Variants in SMKR1 observed in about 807,000 individuals in gnomAD.
SMKR1 encodes the protein small lysine rich protein 1, also known as small lysine-rich protein 1.
A neutral mutation model predicts 4.0 loss-of-function variants in SMKR1; 4 were observed. That is an observed-to-expected ratio of 1.00 (90% CI 0.49 to 2.30). The LOEUF (loss-of-function observed/expected upper bound fraction) is 2.30. Ranked by LOEUF, SMKR1 falls within the 30% of genes most tolerant of loss-of-function variation. The pLI is 0.02. For missense variants in SMKR1, 56 were observed against 81.8 expected (o/e 0.68, Z 1.22); for synonymous variants, 38 against 32.5 (o/e 1.17, Z -0.58).
rs1799422548 is a variant in SMKR1 at position 129,502,668 on chromosome 7, C to T, written c.-157C>T. 2.8e-6 allele frequency: 3 copies of T among 1,076,710 alleles called. No homozygotes were observed. Among genetic ancestry groups the T allele is most frequent in the East Asian group, 3.0e-5 (1 of 33,690 alleles). 66.7% of individuals were successfully genotyped at this position (1,076,710 alleles called of 1,614,324 possible). A position where few individuals can be genotyped will look rare whatever the true frequency, so the allele number is the denominator to read the frequency against. ...CTCCCAGCGAGGCGTGGCGGGGAGGCGTAGTGAGGCTGGGCCCGTGGCGGT... is the reference window on the plus strand; with the variant it reads ...CTCCCAGCGAGGCGTGGCGGGGAGGTGTAGTGAGGCTGGGCCCGTGGCGGT... On this transcript the variant is annotated 5_prime_UTR_variant, in exon 1 of 2. Transcript: ENST00000462322.
chr7:129,503,635 G>A (rs932950360), intron 1 of SMKR1, among the ~76,000 whole-genome samples: 2 of 152,062 alleles, frequency 1.3e-5, no homozygotes, highest in African/African-American at 4.8e-5. Flanking sequence ...CTCCTTCAGC[G>A]CCCACAGCCC....
Position 129,502,720 on chromosome 7 carries a change from G to A in SMKR1, c.-105G>A, listed in dbSNP as rs1584983961. On this transcript the variant is annotated 5_prime_UTR_variant, in exon 1 of 2. Transcript: ENST00000462322. ...CCCTGAGGAGGGCCGAGAAGGGGCC[G>A]GGGGTGCTAGGGGAACGGGCGCTGG... 1 of 1,503,236 alleles carries A rather than the reference G, an allele frequency of 6.7e-7. No homozygotes were observed. The highest frequency in any genetic ancestry group is 8.9e-7 in the Non-Finnish European group (1 of 1,119,552). The allele number at this position is 1,503,236 out of a possible 1,614,324, so 93.1% of individuals were successfully genotyped here.
chr7:129,506,860 T>TTTTC (rs1370668137), intron 1 of SMKR1, among the ~76,000 whole-genome samples: 4 of 78,052 alleles, frequency 5.1e-5, no homozygotes, highest in African/African-American at 2.0e-4. Flanking sequence ...TCTTTCTTTC[T>TTTTC]TTTCTTTTTT....
intron 1 of SMKR1, among the ~76,000 whole-genome samples, chr7:129,511,488 T>A (rs1799526231): frequency 6.6e-6 from 1 of 152,236 alleles, no homozygotes; most frequent in Non-Finnish European, 1.5e-5. Flanking sequence ...TTGCTGCCAT[T>A]GTCAGACCTA....
At chr7:129,506,032 T>G (rs536033676) in intron 1 of SMKR1, among the ~76,000 whole-genome samples, 1 of 152,312 alleles carries the variant, frequency 6.6e-6, no homozygotes, top group Non-Finnish European at 1.5e-5. Context: ...CAAAGTTGTA[T>G]TGAACCAATC....
At chr7:129,509,363 T>C (rs148529235) in intron 1 of SMKR1, among the ~76,000 whole-genome samples, 2 of 152,256 alleles carry the variant, frequency 1.3e-5, no homozygotes, top group Admixed American at 6.5e-5. Context: ...TAAGAGCTTC[T>C]GGTAAAATGT....
chr7:129,512,098 CA>C lies in SMKR1; in HGVS notation c.4-148del, dbSNP rs1799531660. On this transcript the variant is annotated intron_variant, in intron 1 of 1. Coordinates refer to ENST00000462322, the MANE Select transcript of SMKR1 (RefSeq NM_001195243.2). ...ACTTGGGAGGCCGAGGCAGGAGGAT[CA>C]CTTGAGCACGGGAGGTGGAGGTTGT... The C allele has an allele frequency of 8.4e-6, 6 of 716,596 alleles. No homozygotes were observed. In the Admixed American group the frequency reaches 2.1e-4, roughly 26 times the overall value. 44.4% of individuals were successfully genotyped at this position (716,596 alleles called of 1,614,324 possible). A position where few individuals can be genotyped will look rare whatever the true frequency, so the allele number is the denominator to read the frequency against.
intron 1 of SMKR1, 63 bp from the exon 2 acceptor site, chr7:129,512,184 C>CAA: frequency 7.0e-7 from 1 of 1,420,788 alleles, no homozygotes; most frequent in African/African-American, 1.5e-5. Context: ...AACCCTGTCT[C>CAA]AAAAAAAACA....
At position 129,512,469 on chromosome 7, in the gene SMKR1, AGAC is replaced by A. The variant is rs1799537502; in HGVS notation, c.*29_*31del. 1 of 1,522,736 alleles carries A rather than the reference AGAC, an allele frequency of 6.6e-7. No individual in the cohort carries two copies. The highest frequency in any genetic ancestry group is 8.8e-7 in the Non-Finnish European group (1 of 1,141,252). The allele number at this position is 1,522,736 out of a possible 1,614,324, so 94.3% of individuals were successfully genotyped here. A position where few individuals can be genotyped will look rare whatever the true frequency, so the allele number is the denominator to read the frequency against. ...GCATTTCACAACACATCTCTGTTAC[AGAC>A]AACAGGACCTGGGGAAGAGAAGTCA... is the stretch of plus-strand genomic sequence containing the variant. On this transcript the variant is annotated 3_prime_UTR_variant, in exon 2 of 2. Coordinates refer to ENST00000462322, the MANE Select transcript of SMKR1 (RefSeq NM_001195243.2).
rs563024657 is a variant in SMKR1, at chr7:129,510,869, C to T, written c.4-1378C>T. 1.8e-4 allele frequency among the ~76,000 whole-genome samples: 27 copies of T among 152,088 alleles called. 1 individual carries two copies. In the South Asian group the frequency reaches 3.5e-3, roughly 20 times the overall value. ...TGTCCCCCAGGCTGGAATGCAGTGG[C>T]GTGATCTCGGCTCACTGCAACCTCT... On this transcript the variant is annotated intron_variant, in intron 1 of 1. Coordinates refer to ENST00000462322, the MANE Select transcript of SMKR1 (RefSeq NM_001195243.2).
At chr7:129,512,175 A>G (rs1360322610) in intron 1 of SMKR1, 72 bp from the exon 2 acceptor site, 2 of 1,399,708 alleles carry the variant, frequency 1.4e-6, no homozygotes, top group African/African-American at 2.9e-5. Context: ...TGGGAGTGAA[A>G]CCCTGTCTCA....
In SMKR1 at chr7:129,512,364, A is replaced by G. The variant is rs1799536222; in HGVS notation, c.121A>G (p.Asn41Asp). 1.3e-6 allele frequency: 2 copies of G among 1,536,076 alleles called. No homozygotes were observed. The highest frequency in any genetic ancestry group is 1.7e-4 in the Middle Eastern group (1 of 5,990). Residue 41 changes from asparagine (N) to aspartate (D), a missense_variant, in exon 2 of 2, where the codon AAC (asparagine) becomes GAC (aspartate). Physicochemically the swap from Asn to Asp is conservative, Grantham distance 23. Transcript: ENST00000462322. ...AMLNLYYIAH[N>D]VADCLHLRGF... ...GCTGAACCTCTACTACATCGCCCAC[A>G]ACGTCGCTGACTGCCTGCATCTGCG... is the stretch of plus-strand genomic sequence containing the variant.
chr7:129,509,097 G>A (rs1248460), intron 1 of SMKR1, among the ~76,000 whole-genome samples: 2 of 152,032 alleles, frequency 1.3e-5, no homozygotes, highest in East Asian at 1.9e-4. Flanking sequence ...GGCAGATCAC[G>A]AGGTCAGGAG....
Position 129,512,630 on chromosome 7 carries a change from G to A in SMKR1, c.*189G>A. ...TCCTCTGTTATGCCAGATATGGTTA[G>A]CCACTTTGGTTTTTTAGGAGCTATA... is the stretch of plus-strand genomic sequence containing the variant. On this transcript the variant is annotated 3_prime_UTR_variant, in exon 2 of 2. Transcript: ENST00000462322. 4 of 623,258 alleles carry A rather than the reference G, an allele frequency of 6.4e-6. No homozygotes were observed. Among genetic ancestry groups the A allele is most frequent in the Non-Finnish European group, 1.0e-5 (4 of 389,388 alleles). The allele number at this position is 623,258 out of a possible 1,614,324, so 38.6% of individuals were successfully genotyped here.
chr7:129,506,687 T>G (rs1482430644), intron 1 of SMKR1, among the ~76,000 whole-genome samples: 4 of 12,566 alleles, frequency 3.2e-4, no homozygotes, highest in Non-Finnish European at 3.8e-4. Context: ...ATACATTATG[T>G]TTTTTTTTTT....
At chr7:129,503,832 T>C (rs986438834) in intron 1 of SMKR1, among the ~76,000 whole-genome samples, 4 of 149,916 alleles carry the variant, frequency 2.7e-5, no homozygotes, top group African/African-American at 9.8e-5. Context: ...CTATTACCTT[T>C]TTTTTTTTTT....
In SMKR1 at chr7:129,502,749, C is replaced by T. The variant is rs1431086616; in HGVS notation, c.-76C>T. The T allele has an allele frequency of 3.3e-6, 5 of 1,533,180 alleles. No homozygotes were observed. In the South Asian group the frequency reaches 4.8e-5, roughly 15 times the overall value. 95.0% of individuals were successfully genotyped at this position (1,533,180 alleles called of 1,614,324 possible). ...GTGCTAGGGGAACGGGCGCTGGGGGCAGCGGCCCCGGTGGATGCTAAGGGC... is the reference window on the plus strand; with the variant it reads ...GTGCTAGGGGAACGGGCGCTGGGGGTAGCGGCCCCGGTGGATGCTAAGGGC... On this transcript the variant is annotated 5_prime_UTR_variant, in exon 1 of 2. Coordinates refer to ENST00000462322, the MANE Select transcript of SMKR1 (RefSeq NM_001195243.2).
intron 1 of SMKR1, among the ~76,000 whole-genome samples, chr7:129,511,380 A>T (rs1799525077): frequency 6.6e-6 from 1 of 152,160 alleles, no homozygotes; most frequent in African/African-American, 2.4e-5. Context: ...GCAGCGGGGG[A>T]GCTGAGTGTT....
Position 129,511,102 on chromosome 7 carries a change from G to A in SMKR1, c.4-1145G>A, listed in dbSNP as rs148373242. On this transcript the variant is annotated intron_variant, in intron 1 of 1. Transcript: ENST00000462322. ...TGGGATTACAGGCGTGAGCCACCGC[G>A]CCCAGCCTATGCTAAGTATCTTATA... 6.2e-3 allele frequency among the ~76,000 whole-genome samples: 939 copies of A among 152,270 alleles called. 10 individuals carry two copies. Among genetic ancestry groups the A allele is most frequent in the African/African-American group, 0.022 (902 of 41,552 alleles).
Sources: gnomAD v4.1 joint callset for allele counts (sites outside exome capture counted in the v4.1 genomes callset) on GRCh38, gnomAD v4.1.1 for gene constraint, MANE v1.5 for transcripts, NCBI Gene and HGNC (gene_info 2026-07-23, HGNC 2026-07-21) for gene names.